Variants in IL1RAPL2 observed in about 807,000 individuals in gnomAD.
IL1RAPL2 encodes interleukin 1 receptor accessory protein like 2, also known as X-linked interleukin-1 receptor accessory protein-like 2.
A neutral mutation model predicts 44.1 loss-of-function variants in IL1RAPL2; 3 were observed. The ratio of observed to expected loss-of-function variants is 0.07; its 90% CI spans 0.03 to 0.18. The LOEUF (loss-of-function observed/expected upper bound fraction) is 0.18. Ranked by LOEUF, IL1RAPL2 falls within the 10% of genes least tolerant of loss-of-function variation. IL1RAPL2 has a pLI of 1.00. For synonymous variants in IL1RAPL2, 181 were observed against 178.8 expected (o/e 1.01, Z -0.10); for missense variants, 391 against 496.4 (o/e 0.79, Z 2.02).
At chrX:104,888,222 AAGAGACAGAAAGTCAGAGAGAGAGAG>A (rs1923309365) in intron 2 of IL1RAPL2, among the ~76,000 whole-genome samples, 1 of 92,619 alleles carries the variant, frequency 1.1e-5, no homozygotes. Flanking sequence ...AAAAGAGAGA[AAGAGACAGAAAGTCAGAGAGAGAGAG>A]AGAGAGAGAG....
At chrX:104,668,681 GA>G (rs1286120760) in intron 2 of IL1RAPL2, among the ~76,000 whole-genome samples, 1 of 82,165 alleles carries the variant, frequency 1.2e-5, no homozygotes, top group Non-Finnish European at 2.5e-5. Flanking sequence ...GGGAATTAAT[GA>G]TTTTTTTTTT....
At chrX:104,786,756 G>T (rs1422685201) in intron 2 of IL1RAPL2, among the ~76,000 whole-genome samples, 1 of 111,513 alleles carries the variant, frequency 9.0e-6, no homozygotes, top group Non-Finnish European at 1.9e-5. Context: ...AAATAAGCTA[G>T]GGGAACGAGA....
At chrX:105,597,394 A>G (rs1325938053) in intron 6 of IL1RAPL2, among the ~76,000 whole-genome samples, 1 of 111,492 alleles carries the variant, frequency 9.0e-6, no homozygotes, top group Non-Finnish European at 1.9e-5. Flanking sequence ...AATTATAAAG[A>G]GAAAAGATTT....
rs969916412 is a variant in IL1RAPL2, at chrX:104,901,078, T to G, written c.82+242083T>G. Among the ~76,000 whole-genome samples, 3 of 111,051 alleles carry G rather than the reference T, an allele frequency of 2.7e-5. No homozygotes were observed. In the Admixed American group the frequency reaches 2.9e-4, roughly 11 times the overall value. Reference sequence around the variant, plus strand: ...GTGAGAACCACTTACTTTAGGTCCTTCTATTATTCCTTTGTTTGTTCATTC... The same window carrying G: ...GTGAGAACCACTTACTTTAGGTCCTGCTATTATTCCTTTGTTTGTTCATTC... On this transcript the variant is annotated intron_variant, in intron 2 of 10. Transcript: ENST00000372582.
At chrX:104,958,495 G>T in intron 2 of IL1RAPL2, among the ~76,000 whole-genome samples, 1 of 103,260 alleles carries the variant, frequency 9.7e-6, no homozygotes, top group Non-Finnish European at 2.0e-5. Context: ...TATTTTTAAG[G>T]TGCCTCATGT....
chrX:104,671,776 T>G (rs1045596060), intron 2 of IL1RAPL2, among the ~76,000 whole-genome samples: 8 of 111,861 alleles, frequency 7.2e-5, no homozygotes, highest in African/African-American at 2.6e-4. Flanking sequence ...AGAACACATG[T>G]GATTGAAAGT....
intron 2 of IL1RAPL2, among the ~76,000 whole-genome samples, chrX:105,184,228 G>A (rs1371964367): frequency 7.2e-5 from 8 of 111,240 alleles, no homozygotes; most frequent in Non-Finnish European, 1.9e-5. Context: ...TTCTCTCTTA[G>A]GTGTTCTCTT....
At chrX:104,714,392 G>A (rs755145782) in intron 2 of IL1RAPL2, among the ~76,000 whole-genome samples, 2 of 110,841 alleles carry the variant, frequency 1.8e-5, no homozygotes, top group South Asian at 7.6e-4. Context: ...ATTGAATCAT[G>A]GGGGCAGTTT....
intron 1 of IL1RAPL2, among the ~76,000 whole-genome samples, chrX:104,588,104 C>T (rs1438270946): frequency 8.9e-6 from 1 of 111,991 alleles, no homozygotes; most frequent in African/African-American, 3.2e-5. Flanking sequence ...TATCACCTGC[C>T]TCTCTACTCA....
chrX:104,854,177 T>C (rs1922299738), intron 2 of IL1RAPL2, among the ~76,000 whole-genome samples: 1 of 111,976 alleles, frequency 8.9e-6, no homozygotes, highest in Non-Finnish European at 1.9e-5. Flanking sequence ...AAATCTTTCA[T>C]GTTAGTGACT....
chrX:105,218,739 C>T (rs781948696), intron 3 of IL1RAPL2, among the ~76,000 whole-genome samples: 2 of 107,657 alleles, frequency 1.9e-5, no homozygotes, highest in African/African-American at 6.8e-5. Flanking sequence ...TGGCCACCAC[C>T]CCACTTCTAC....
chrX:104,938,099 CAGTA>C (rs1001259246), intron 2 of IL1RAPL2, among the ~76,000 whole-genome samples: 1 of 112,209 alleles, frequency 8.9e-6, no homozygotes, highest in African/African-American at 3.2e-5. Context: ...AAGGTTTAAA[CAGTA>C]AGCCAGTAAT....
At chrX:105,607,635 CAAAAAAAA>C (rs11377516) in intron 6 of IL1RAPL2, among the ~76,000 whole-genome samples, 4 of 15,726 alleles carry the variant, frequency 2.5e-4, no homozygotes, top group Admixed American at 1.4e-3. Flanking sequence ...ATTCAGCAGA[CAAAAAAAA>C]AAAAAAAAAA....
chrX:104,943,700 A>T (rs1421185472), intron 2 of IL1RAPL2, among the ~76,000 whole-genome samples: 1 of 111,264 alleles, frequency 9.0e-6, no homozygotes, highest in East Asian at 2.8e-4. Context: ...TAAAATTGCA[A>T]CTACTCAGAA....
chrX:105,186,997 C>T (rs1319317565), intron 2 of IL1RAPL2, among the ~76,000 whole-genome samples: 1 of 111,747 alleles, frequency 8.9e-6, no homozygotes, highest in Non-Finnish European at 1.9e-5. Context: ...CTTCACCAAC[C>T]CTTAACTGCT....
chrX:104,664,299 T>C (rs1930451579), intron 2 of IL1RAPL2, among the ~76,000 whole-genome samples: 1 of 111,513 alleles, frequency 9.0e-6, no homozygotes, highest in Non-Finnish European at 1.9e-5. Flanking sequence ...GACCTCCACA[T>C]AGATCTCATG....
At chrX:104,890,995 C>T (rs1305233266) in intron 2 of IL1RAPL2, among the ~76,000 whole-genome samples, 24 of 111,939 alleles carry the variant, frequency 2.1e-4, no homozygotes, top group Non-Finnish European at 1.3e-4. Context: ...AGGAAGGGAT[C>T]CAGTTTCAGC....
At chrX:105,615,503 A>G (rs902793299) in intron 6 of IL1RAPL2, among the ~76,000 whole-genome samples, 1 of 112,447 alleles carries the variant, frequency 8.9e-6, no homozygotes, top group Admixed American at 9.4e-5. Context: ...TCAGCCATCA[A>G]AAATAATGAG....
chrX:105,011,969 CAACAT>C (rs2031056116), intron 2 of IL1RAPL2, among the ~76,000 whole-genome samples: 1 of 111,283 alleles, frequency 9.0e-6, no homozygotes, highest in Non-Finnish European at 1.9e-5. Flanking sequence ...TTCCTCAAAA[CAACAT>C]AAATCAGTTA....
Sources: allele counts gnomAD v4.1 joint callset (sites outside exome capture counted in the v4.1 genomes callset), GRCh38; gene constraint gnomAD v4.1.1; transcripts MANE v1.5; gene names NCBI Gene and HGNC (gene_info 2026-07-23, HGNC 2026-07-21).